The following WDSUB1 variants were observed in gnomAD, a reference collection of about 807,000 sequenced individuals.
The protein encoded by WDSUB1 is WD repeat, SAM and U-box domain-containing protein 1.
Under a neutral mutation model 53.9 loss-of-function variants are expected in WDSUB1, and 49 were observed. That is an observed-to-expected ratio of 0.91 (90% confidence interval 0.72 to 1.15). The LOEUF is 1.15. Ranked by LOEUF, WDSUB1 falls within the 50% of genes most tolerant of loss-of-function variation. The pLI is 0.00. For missense variants in WDSUB1, 514 were observed against 562.0 expected, an observed-to-expected ratio of 0.91 and a Z score of 0.86; for synonymous variants, 194 against 200.6, an observed-to-expected ratio of 0.97 and a Z score of 0.28.
chr2:159,237,657 C>G (rs1159313439), intron 10 of WDSUB1, among the ~76,000 whole-genome samples: 1 of 152,136 alleles, frequency 6.6e-6, no homozygotes, highest in African/African-American at 2.4e-5. Context: ...TATGTGCACA[C>G]AGTACATATA....
rs980765237 is a variant in WDSUB1, at chr2:159,282,295, T to C, written c.398+377A>G. On this transcript the variant is annotated intron_variant, in intron 2 of 10. Coordinates refer to ENST00000359774, the MANE Select transcript of WDSUB1 (RefSeq NM_001128212.3). ...GCAAGCTCCGCCTCCTGGGTTCACG[T>C]CATTCTCCTGCCTCAGCCTCCCAAG... 1.4e-4 allele frequency among the ~76,000 whole-genome samples: 22 copies of C among 152,064 alleles called. No homozygotes were observed. The East Asian group carries it at 2.3e-3, about 16-fold the overall frequency.
Position 159,283,049 on chromosome 2 carries a change from T to C in WDSUB1, c.21A>G (p.Thr7=), listed in dbSNP as rs1424338137. The change falls in exon 2 of 11, where the codon ACA becomes ACG. Residue 7 remains threonine, a synonymous_variant. Transcript: ENST00000359774. ...TGACATCGTCACCATGATCAGCTAA[T>C]GTGTGAATCAGTTTCACCATGTTCT... MVKLIH[T]LADHGDDVNC... 2.5e-6 allele frequency: 4 copies of C among 1,610,252 alleles called. No individual in the cohort carries two copies. The highest frequency in any genetic ancestry group is 3.4e-6 in the Non-Finnish European group (4 of 1,176,970).
At position 159,283,012 on chromosome 2, in the gene WDSUB1, A is replaced by G. The variant is rs1240168814; in HGVS notation, c.58T>C (p.Phe20Leu). The G allele has an allele frequency of 3.1e-6, 5 of 1,614,090 alleles. No homozygotes were observed. The highest frequency in any genetic ancestry group is 4.2e-6 in the Non-Finnish European group (5 of 1,180,026). Residue 20 changes from phenylalanine to leucine, a missense_variant, in exon 2 of 11, where the codon TTC (phenylalanine) becomes CTC (leucine). Physicochemically the swap from Phe to Leu is conservative, Grantham distance 22 (BLOSUM62 0). Coordinates refer to ENST00000359774, the MANE Select transcript of WDSUB1 (RefSeq NM_001128212.3). ...DHGDDVNCCA[F>L]SFSLLATCSL... ...CAAGTAGCCAAGAGGGAAAAGGAGAAGGCACAGCAGTTGACATCGTCACCA... is the reference window on the plus strand; with the variant it reads ...CAAGTAGCCAAGAGGGAAAAGGAGAGGGCACAGCAGTTGACATCGTCACCA...
chr2:159,265,580 C>G (rs1027641808), intron 5 of WDSUB1, among the ~76,000 whole-genome samples: 1 of 151,988 alleles, frequency 6.6e-6, no homozygotes, highest in Admixed American at 6.6e-5. Flanking sequence ...TGGTGGCCTG[C>G]AAGTGTAGTC....
rs527377114 is a variant in WDSUB1 at position 159,241,719 on chromosome 2, C to CTTTTTTTTTTT, written c.1274-5540_1274-5530dup. Among the ~76,000 whole-genome samples, 25 of 130,370 alleles carry CTTTTTTTTTTT rather than the reference C, an allele frequency of 1.9e-4. 1 individual carries two copies. The highest frequency in any genetic ancestry group is 2.7e-4 in the Non-Finnish European group (17 of 63,092). The allele number at this position is 130,370 out of a possible 152,430, so 85.5% of individuals were successfully genotyped here. On this transcript the variant is annotated intron_variant, in intron 10 of 10. Coordinates refer to ENST00000359774, the MANE Select transcript of WDSUB1 (RefSeq NM_001128212.3). ...CATGACTGGGGATGTTTTCTTTTTTCTTTTTTTTTTTGAGATGGAGTCTCA... is the reference window on the plus strand; with the variant it reads ...CATGACTGGGGATGTTTTCTTTTTTCTTTTTTTTTTTTTTTTTTTTTTGAGATGGAGTCTCA...
intron 10 of WDSUB1, among the ~76,000 whole-genome samples, chr2:159,245,784 A>G (rs1559529174): frequency 6.6e-6 from 1 of 152,226 alleles, no homozygotes; most frequent in Non-Finnish European, 1.5e-5. Context: ...TAAAACCTTA[A>G]ATTGTCTAGA....
chr2:159,274,131 TGAA>T (rs1206649531), intron 4 of WDSUB1, among the ~76,000 whole-genome samples: 1 of 152,070 alleles, frequency 6.6e-6, no homozygotes, highest in African/African-American at 2.4e-5. Flanking sequence ...CATTAAGTAA[TGAA>T]GAAGTATAAA....
chr2:159,271,748 C>CAGG lies in WDSUB1; in HGVS notation c.721_723dup (p.Pro241dup), dbSNP rs1017549947. Reference sequence around the variant, plus strand: ...TCATGGGAAAAAGCACAAGCCAGAACAGGAGCACAGTGCCCACTCAGTGTA... The same window carrying CAGG: ...TCATGGGAAAAAGCACAAGCCAGAACAGGAGGAGCACAGTGCCCACTCAGTGTA... On this transcript the variant is annotated inframe_insertion, in exon 5 of 11. Coordinates refer to ENST00000359774, the MANE Select transcript of WDSUB1 (RefSeq NM_001128212.3). 1.2e-6 allele frequency: 2 copies of CAGG among 1,614,080 alleles called. No individual in the cohort carries two copies. The highest frequency in any genetic ancestry group is 1.7e-5 in the Admixed American group (1 of 60,006).
intron 1 of WDSUB1, among the ~76,000 whole-genome samples, chr2:159,286,151 C>T (rs966011839): frequency 2.0e-5 from 3 of 152,130 alleles, no homozygotes; most frequent in African/African-American, 7.2e-5. Flanking sequence ...AATTCCCGGG[C>T]ACACCAGGTC....
intron 10 of WDSUB1, among the ~76,000 whole-genome samples, chr2:159,239,768 GGTT>G (rs1288290876): frequency 1.3e-5 from 2 of 152,228 alleles, no homozygotes; most frequent in East Asian, 3.9e-4. Flanking sequence ...GGATTGTTTT[GGTT>G]GTTTCACCTC....
At chr2:159,285,238 T>A (rs2061764222) in intron 1 of WDSUB1, among the ~76,000 whole-genome samples, 1 of 152,146 alleles carries the variant, frequency 6.6e-6, no homozygotes, top group Non-Finnish European at 1.5e-5. Flanking sequence ...ATATGTAATA[T>A]GAAATTAGAA....
intron 3 of WDSUB1, among the ~76,000 whole-genome samples, chr2:159,276,063 C>CT (rs11320567): frequency 0.15 from 21,408 of 146,054 alleles, 2,598 homozygotes; most frequent in African/African-American, 0.33. Context: ...CAATTTCTTC[C>CT]TTTTTTTTTT....
chr2:159,259,877 T>C (rs1350888858), intron 5 of WDSUB1, 34 bp from the exon 6 acceptor site: 3 of 1,476,398 alleles, frequency 2.0e-6, no homozygotes, highest in East Asian at 2.4e-5. Context: ...TGAAAAGTTC[T>C]ATAAAAACAA....
At chr2:159,241,801 C>A (rs2060656657) in intron 10 of WDSUB1, among the ~76,000 whole-genome samples, 3 of 141,576 alleles carry the variant, frequency 2.1e-5, no homozygotes, top group Admixed American at 2.1e-4. Flanking sequence ...CAACCTCTGC[C>A]TTCCGGGTTC....
At chr2:159,245,395 T>C (rs2060771049) in intron 10 of WDSUB1, among the ~76,000 whole-genome samples, 1 of 151,986 alleles carries the variant, frequency 6.6e-6, no homozygotes, top group South Asian at 2.1e-4. Flanking sequence ...TAGCCAGGCA[T>C]GGTGTTACAC....
chr2:159,284,288 G>A (rs10166544), intron 1 of WDSUB1, among the ~76,000 whole-genome samples: 12,475 of 152,232 alleles, frequency 0.082, 1,141 homozygotes, highest in East Asian at 0.21. Context: ...CTGATTTGAT[G>A]TTGAGCTTTC....
At chr2:159,273,738 T>C (rs1283121422) in intron 4 of WDSUB1, among the ~76,000 whole-genome samples, 2 of 152,224 alleles carry the variant, frequency 1.3e-5, no homozygotes, top group Non-Finnish European at 2.9e-5. Flanking sequence ...AGTTTTTAAC[T>C]GCACGTTTAT....
intron 10 of WDSUB1, among the ~76,000 whole-genome samples, chr2:159,242,740 A>G (rs976487660): frequency 4.7e-5 from 7 of 148,010 alleles, no homozygotes; most frequent in African/African-American, 1.8e-4. Flanking sequence ...ATACACCTAA[A>G]CCGTATCATT....
In WDSUB1 at chr2:159,282,807, A is replaced by C. The variant is rs1171430780; in HGVS notation, c.263T>G (p.Met88Arg). 1 of 1,614,212 alleles carries C rather than the reference A, an allele frequency of 6.2e-7. No individual in the cohort carries two copies. Among genetic ancestry groups the C allele is most frequent in the African/African-American group, 1.3e-5 (1 of 75,068 alleles). The part of the protein sequence containing the change: ...TVLWNTENGQ[M>R]LAVMEQPSGS... ...ACTAGGCTGTTCCATCACTGCCAGC[A>C]TCTGTCCATTTTCAGTATTCCATAG... The change falls in exon 2 of 11, where the codon ATG becomes AGG. Residue 88 changes from methionine to arginine, a missense_variant. Transcript: ENST00000359774.
Sources: gnomAD v4.1 joint callset for allele counts (sites outside exome capture counted in the v4.1 genomes callset) on GRCh38, gnomAD v4.1.1 for gene constraint, MANE v1.5 for transcripts, NCBI Gene and HGNC (gene_info 2026-07-23, HGNC 2026-07-21) for gene names.